The following TSPAN14 variants were observed in gnomAD, a reference collection of about 807,000 sequenced individuals.
TSPAN14 encodes the protein tetraspanin-14.
In TSPAN14, 16 loss-of-function variants were observed where a neutral mutation model predicts 36.6. The observed-to-expected ratio is 0.44, with a 90% CI of 0.30 to 0.66. TSPAN14 has a LOEUF of 0.66. Among genes scored for constraint, TSPAN14 ranks in the 30% least tolerant of loss-of-function variants. The pLI is 0.12. For synonymous variants in TSPAN14, 139 were observed against 143.8 expected (o/e 0.97, Z 0.24); for missense variants, 231 against 355.1 (o/e 0.65, Z 2.81).
intron 1 of TSPAN14, among the ~76,000 whole-genome samples, chr10:80,475,850 G>A (rs575796486): frequency 6.6e-6 from 1 of 152,264 alleles, no homozygotes; most frequent in African/African-American, 2.4e-5. Flanking sequence ...CTCCCAGAGT[G>A]CTGGGATTAC....
chr10:80,488,650 A>G (rs1420291002), intron 1 of TSPAN14, among the ~76,000 whole-genome samples: 2 of 152,056 alleles, frequency 1.3e-5, no homozygotes, highest in African/African-American at 2.4e-5. Context: ...ATGAGTATGG[A>G]GTCCTCATCT....
At chr10:80,512,154 G>C (rs1285653431) in exon 6 of TSPAN14, 1 of 1,614,122 alleles carries the variant, frequency 6.2e-7, no homozygotes, top group African/African-American at 1.3e-5. Context: ...AACCAGTGCT[G>C]TGGCGCATAT....
chr10:80,476,991 G>A (rs1846953147), intron 1 of TSPAN14, among the ~76,000 whole-genome samples: 1 of 152,172 alleles, frequency 6.6e-6, no homozygotes, highest in South Asian at 2.1e-4. Flanking sequence ...TTTCAGCAGA[G>A]TGCAGTTTCT....
chr10:80,520,301 C>T (rs1841191942), exon 9 of TSPAN14: 1 of 295,448 alleles, frequency 3.4e-6, no homozygotes, highest in African/African-American at 2.2e-5. Context: ...AACTATAGAC[C>T]CTTCTGGCTG....
chr10:80,507,338 G>T, exon 4 of TSPAN14: 1 of 1,614,242 alleles, frequency 6.2e-7, no homozygotes, highest in Middle Eastern at 1.6e-4. Flanking sequence ...CCGGCTGCGT[G>T]GGGGCTCTGC....
At chr10:80,491,957 C>T (rs927648060) in intron 2 of TSPAN14, among the ~76,000 whole-genome samples, 2 of 152,152 alleles carry the variant, frequency 1.3e-5, no homozygotes, top group Admixed American at 6.5e-5. Flanking sequence ...TGCAATGGAG[C>T]TGGCAAATGG....
intron 1 of TSPAN14, among the ~76,000 whole-genome samples, chr10:80,473,296 G>C (rs1161856171): frequency 6.6e-6 from 1 of 152,140 alleles, no homozygotes; most frequent in Admixed American, 6.5e-5. Context: ...TAATGAGGAG[G>C]CCCCTCGGTG....
intron 1 of TSPAN14, among the ~76,000 whole-genome samples, chr10:80,488,757 G>C (rs529735315): frequency 1.8e-4 from 27 of 152,262 alleles, no homozygotes; most frequent in Middle Eastern, 3.4e-3. Flanking sequence ...CGTTTCTTCT[G>C]TTGGCTCTGG....
At chr10:80,459,835 G>A (rs1845891356) in intron 1 of TSPAN14, among the ~76,000 whole-genome samples, 1 of 152,188 alleles carries the variant, frequency 6.6e-6, no homozygotes, top group African/African-American at 2.4e-5. Flanking sequence ...GGGACTCTCA[G>A]CAGTAGGAGT....
At chr10:80,482,954 C>G (rs1347513052) in intron 1 of TSPAN14, among the ~76,000 whole-genome samples, 1 of 152,048 alleles carries the variant, frequency 6.6e-6, no homozygotes, top group African/African-American at 2.4e-5. Context: ...AGGCTGGTCT[C>G]AAACTCCTGA....
chr10:80,480,138 G>A (rs551384011), intron 1 of TSPAN14, among the ~76,000 whole-genome samples: 1 of 151,436 alleles, frequency 6.6e-6, no homozygotes, highest in Admixed American at 6.6e-5. Flanking sequence ...TTTGTACATT[G>A]ATTTTGTATC....
At chr10:80,471,697 C>G (rs1368028037) in intron 1 of TSPAN14, among the ~76,000 whole-genome samples, 2 of 152,100 alleles carry the variant, frequency 1.3e-5, no homozygotes, top group African/African-American at 4.8e-5. Flanking sequence ...GTTGGGACAT[C>G]AACTTGGAAG....
rs367813996 is a variant in TSPAN14, at chr10:80,472,545, T to C, written c.-17-16672T>C. On this transcript the variant is annotated intron_variant, in intron 1 of 8. Transcript: ENST00000429989. ...TACAGTATGCTATTTCACATCAAAC[T>C]CATGACTGGTTTTAGGACCCATTGC... is the stretch of plus-strand genomic sequence containing the variant. 7.7e-4 allele frequency among the ~76,000 whole-genome samples: 118 copies of C among 152,358 alleles called. No homozygotes were observed. The South Asian group carries it at 0.012, about 15-fold the overall frequency.
At chr10:80,455,872 C>T (rs913451446) in intron 1 of TSPAN14, among the ~76,000 whole-genome samples, 3 of 152,140 alleles carry the variant, frequency 2.0e-5, no homozygotes, top group Admixed American at 6.5e-5. Flanking sequence ...AGCCACCACG[C>T]GCAGTCTGAT....
chr10:80,509,403 G>C lies in TSPAN14; in HGVS notation c.382G>C (p.Glu128Gln). The C allele has an allele frequency of 2.5e-6, 4 of 1,614,126 alleles. No homozygotes were observed. The highest frequency in any genetic ancestry group is 3.4e-6 in the Non-Finnish European group (4 of 1,180,034). ...GAGGGACCGGTTCCGGGAGTTCTTCGAGAGCAACATCAAGTCCTACCGGGA... is the reference window on the plus strand; with the variant it reads ...GAGGGACCGGTTCCGGGAGTTCTTCCAGAGCAACATCAAGTCCTACCGGGA... Residue 128 changes from glutamate to glutamine, a missense_variant, in exon 5 of 9, where the codon GAG (glutamate) becomes CAG (glutamine). Coordinates refer to ENST00000429989, the Ensembl canonical transcript of TSPAN14. This position sits in a 1 kb window ranked among gnomAD's most constrained non-coding sequence, Gnocchi z 4.7.
chr10:80,485,531 A>G (rs1011559789), intron 1 of TSPAN14: 68 of 632,994 alleles, frequency 1.1e-4, no homozygotes, highest in Non-Finnish European at 1.3e-4. Context: ...CACAGTCAGA[A>G]GGCCACCTTA....
intron 1 of TSPAN14, among the ~76,000 whole-genome samples, chr10:80,481,989 G>A (rs1356103703): frequency 6.6e-6 from 1 of 152,086 alleles, no homozygotes; most frequent in East Asian, 1.9e-4. Context: ...TCCTGACCTC[G>A]TGATCCTCCC....
intron 1 of TSPAN14, among the ~76,000 whole-genome samples, chr10:80,455,620 AG>A (rs1845701167): frequency 6.6e-6 from 1 of 152,134 alleles, no homozygotes; most frequent in South Asian, 2.1e-4. Context: ...ACCTGGGGAC[AG>A]GCCATCGGAG....
Position 80,461,495 on chromosome 10 carries a change from C to A in TSPAN14, c.-18+7124C>A, listed in dbSNP as rs115036260. On this transcript the variant is annotated intron_variant, in intron 1 of 8. Coordinates refer to ENST00000429989, the Ensembl canonical transcript of TSPAN14. ...AACGTGGATAGGTTTTTGAGGGGGGCATGCCAAAATCAGAGTTGGTGGTAG... is the reference window on the plus strand; with the variant it reads ...AACGTGGATAGGTTTTTGAGGGGGGAATGCCAAAATCAGAGTTGGTGGTAG... Among the ~76,000 whole-genome samples the A allele has an allele frequency of 3.4e-3, 523 of 152,196 alleles. 4 individuals carry two copies. Among genetic ancestry groups the A allele is most frequent in the African/African-American group, 0.012 (503 of 41,534 alleles).
Sources: gnomAD v4.1 joint callset for allele counts (sites outside exome capture counted in the v4.1 genomes callset) on GRCh38, gnomAD v4.1.1 for gene constraint, Gnocchi (gnomAD v3.1) non-coding constraint, MANE v1.5 for transcripts, NCBI Gene and HGNC (gene_info 2026-07-23, HGNC 2026-07-21) for gene names.